Variants in MCTP1 observed in about 807,000 individuals in gnomAD.
The protein encoded by MCTP1 is multiple C2 and transmembrane domain-containing protein 1.
MCTP1 carries 69 observed loss-of-function variants against 120.6 expected under a neutral mutation model. That is an observed-to-expected ratio of 0.57 (90% CI 0.47 to 0.70). The LOEUF is 0.70. Ranked by LOEUF, MCTP1 falls within the 30% of genes least tolerant of loss-of-function variation. MCTP1 has a pLI of 0.00. For synonymous variants in MCTP1, 529 were observed against 493.1 expected (o/e 1.07, Z -0.96); for missense variants, 1,203 against 1,248.8 (o/e 0.96, Z 0.55).
At chr5:95,119,347 GA>G (rs2040355546) in intron 1 of MCTP1, among the ~76,000 whole-genome samples, 1 of 152,062 alleles carries the variant, frequency 6.6e-6, no homozygotes, top group Admixed American at 6.6e-5. Flanking sequence ...AATGATAATA[GA>G]AACACAACCT....
At chr5:95,098,435 TAATC>T (rs1756443985) in intron 1 of MCTP1, among the ~76,000 whole-genome samples, 1 of 152,176 alleles carries the variant, frequency 6.6e-6, no homozygotes, top group Non-Finnish European at 1.5e-5. Context: ...AACTTATCAA[TAATC>T]AATGTACAAA....
chr5:95,253,224 C>T lies in MCTP1; in HGVS notation c.720+30632G>A, dbSNP rs73776343. ...AGGTGGATTTTCTTAGTTTTATGTG[C>T]ATGAAAATTACCATCCTTTTTAGAA... is the stretch of plus-strand genomic sequence containing the variant. On this transcript the variant is annotated intron_variant, in intron 1 of 22. Transcript: ENST00000515393. Among the ~76,000 whole-genome samples, 956 of 152,196 alleles carry T rather than the reference C, an allele frequency of 6.3e-3. 12 individuals are homozygous for T. Among genetic ancestry groups the T allele is most frequent in the African/African-American group, 0.021 (879 of 41,552 alleles).
intron 1 of MCTP1, among the ~76,000 whole-genome samples, chr5:95,019,428 A>T (rs1837765545): frequency 6.6e-6 from 1 of 151,690 alleles, no homozygotes. Context: ...TTTTCCTTCC[A>T]CGCCCCCACC....
intron 1 of MCTP1, among the ~76,000 whole-genome samples, chr5:95,138,713 C>G (rs2038024221): frequency 6.6e-6 from 1 of 152,134 alleles, no homozygotes; most frequent in African/African-American, 2.4e-5. Flanking sequence ...GCTGCTCCCT[C>G]TCACATCCCT....
At chr5:95,122,590 G>T (rs368217265) in intron 1 of MCTP1, among the ~76,000 whole-genome samples, 8 of 152,118 alleles carry the variant, frequency 5.3e-5, no homozygotes, top group Admixed American at 1.3e-4. Context: ...CAGCCTGGAG[G>T]TTCCTCAATA....
intron 19 of MCTP1, among the ~76,000 whole-genome samples, chr5:94,773,247 C>T (rs1774499431): frequency 6.6e-6 from 1 of 152,174 alleles, no homozygotes; most frequent in Non-Finnish European, 1.5e-5. Context: ...ACATATTATA[C>T]TGTGACTGTA....
Position 94,954,025 on chromosome 5 carries a change from T to TGC in MCTP1, c.839-665_839-664insGC, listed in dbSNP as rs1167457739. Among the ~76,000 whole-genome samples the TGC allele has an allele frequency of 6.6e-3, 460 of 69,484 alleles. 73 individuals carry two copies. Among genetic ancestry groups the TGC allele is most frequent in the East Asian group, 0.017 (51 of 3,002 alleles). The allele number at this position is 69,484 out of a possible 152,430, so 45.6% of individuals were successfully genotyped here. ...GCATATATATACAAATATATATGCA[T>TGC]ATATATACAAATATATATATGCATA... On this transcript the variant is annotated intron_variant, in intron 2 of 22. Coordinates refer to ENST00000515393, the MANE Select transcript of MCTP1 (RefSeq NM_024717.7).
At chr5:95,071,573 CATG>C (rs35469042) in intron 1 of MCTP1, among the ~76,000 whole-genome samples, 14,557 of 142,460 alleles carry the variant, frequency 0.1, 1,013 homozygotes, top group African/African-American at 0.21. Flanking sequence ...GAGTGATATT[CATG>C]ATGATTTGTT....
At chr5:95,041,336 A>G (rs539338967) in intron 1 of MCTP1, among the ~76,000 whole-genome samples, 56 of 145,690 alleles carry the variant, frequency 3.8e-4, no homozygotes, top group African/African-American at 1.4e-3. Flanking sequence ...AAAAAAGAAA[A>G]AACAAAAAGA....
intron 8 of MCTP1, among the ~76,000 whole-genome samples, chr5:94,916,666 T>C (rs763625268): frequency 2.0e-5 from 3 of 152,248 alleles, no homozygotes; most frequent in Admixed American, 6.5e-5. Context: ...CACTTGCTGC[T>C]CTGTTTAAAA....
At chr5:94,721,092 A>T (rs1007542258) in intron 19 of MCTP1, among the ~76,000 whole-genome samples, 5 of 152,214 alleles carry the variant, frequency 3.3e-5, no homozygotes, top group African/African-American at 1.2e-4. Flanking sequence ...TTCCTTTGAG[A>T]TAAAGAAAAA....
intron 1 of MCTP1, among the ~76,000 whole-genome samples, chr5:95,139,385 A>C (rs1274084206): frequency 6.6e-6 from 1 of 152,232 alleles, no homozygotes; most frequent in African/African-American, 2.4e-5. Flanking sequence ...CAAATTTCTT[A>C]AGGAAATAAA....
Position 95,133,871 on chromosome 5 carries a change from C to T in MCTP1, c.721-116387G>A, listed in dbSNP as rs531718463. On this transcript the variant is annotated intron_variant, in intron 1 of 22. Coordinates refer to ENST00000515393, the MANE Select transcript of MCTP1 (RefSeq NM_024717.7). ...AGGTCCATGTAGTAAGTTTCTTCTA[C>T]GGAAAGAAAAAAGGTTTGTTCCTCA... Among the ~76,000 whole-genome samples the T allele has an allele frequency of 5.9e-5, 9 of 152,158 alleles. No homozygotes were observed. The South Asian group carries it at 1.0e-3, about 18-fold the overall frequency.
intron 5 of MCTP1, among the ~76,000 whole-genome samples, chr5:94,934,595 T>A (rs969166333): frequency 5.3e-5 from 8 of 151,888 alleles, no homozygotes; most frequent in African/African-American, 1.9e-4. Context: ...ACTGTACATA[T>A]AAAGAAATCA....
At chr5:95,013,964 T>C (rs112944339) in intron 2 of MCTP1, among the ~76,000 whole-genome samples, 396 of 152,006 alleles carry the variant, frequency 2.6e-3, no homozygotes, top group African/African-American at 9.2e-3. Context: ...CTAGATGCCA[T>C]AAAGAACATT....
chr5:94,724,282 G>A (rs2152661834), intron 19 of MCTP1, among the ~76,000 whole-genome samples: 1 of 152,212 alleles, frequency 6.6e-6, no homozygotes, highest in African/African-American at 2.4e-5. Context: ...GTCTCGCTTT[G>A]TTGCCCAGGC....
Position 94,967,922 on chromosome 5 carries a change from T to C in MCTP1, c.839-14561A>G, listed in dbSNP as rs78699222. On this transcript the variant is annotated intron_variant, in intron 2 of 22. Coordinates refer to ENST00000515393, the MANE Select transcript of MCTP1 (RefSeq NM_024717.7). The stretch of plus-strand genomic sequence containing the variant: ...CTCTTTCCAACCATCACTTAGTGGC[T>C]TTTAGGTACTGTTATTAAAATTTCA... 1.2e-3 allele frequency among the ~76,000 whole-genome samples: 182 copies of C among 152,344 alleles called. 2 individuals carry two copies. The highest frequency in any genetic ancestry group is 4.2e-3 in the African/African-American group (173 of 41,582).
chr5:94,813,277 A>T lies in MCTP1; in HGVS notation c.2437-14145T>A, dbSNP rs527868564. Among the ~76,000 whole-genome samples, 18 of 152,322 alleles carry T rather than the reference A, an allele frequency of 1.2e-4. No homozygotes were observed. The South Asian group carries it at 3.7e-3, about 32-fold the overall frequency. ...TTAAACCACAATGGGATACCACTTC[A>T]CACCCACTAGAGTGGCTGTAATCAG... On this transcript the variant is annotated intron_variant, in intron 17 of 22. Coordinates refer to ENST00000515393, the MANE Select transcript of MCTP1 (RefSeq NM_024717.7).
chr5:95,172,242 G>A (rs755052935), intron 1 of MCTP1, among the ~76,000 whole-genome samples: 4 of 152,224 alleles, frequency 2.6e-5, no homozygotes, highest in Non-Finnish European at 5.9e-5. Flanking sequence ...AACAGCAAAT[G>A]TTGCTGCCTG....
Sources: gnomAD v4.1 joint callset for allele counts (sites outside exome capture counted in the v4.1 genomes callset) on GRCh38, gnomAD v4.1.1 for gene constraint, MANE v1.5 for transcripts, NCBI Gene and HGNC (gene_info 2026-07-23, HGNC 2026-07-21) for gene names.